MAPK8IP3: variants seen among roughly 807,000 people sequenced by gnomAD.
The protein encoded by MAPK8IP3 is C-Jun-amino-terminal kinase-interacting protein 3.
Under a neutral mutation model 157.8 loss-of-function variants are expected in MAPK8IP3, and 49 were observed. The observed-to-expected ratio is 0.31, with a 90% CI of 0.25 to 0.39. The LOEUF is 0.39. Ranked by LOEUF, MAPK8IP3 falls within the 10% of genes least tolerant of loss-of-function variation. The probability of loss-of-function intolerance (pLI) is 1.00; values close to 1 mark genes in which losing one functional copy is unlikely to be tolerated. For synonymous variants in MAPK8IP3, 897 were observed against 777.7 expected (o/e 1.15, Z -2.55); for missense variants, 1,478 against 1,889.4 (o/e 0.78, Z 4.04).
At chr16:1,748,446 C>T in intron 7 of MAPK8IP3, 100 bp downstream of exon 7, 1 of 1,215,118 alleles carries the variant, frequency 8.2e-7, no homozygotes, top group Non-Finnish European at 1.2e-6. Context: ...GGAGAACCAT[C>T]AAGGCTGTGG....
rs184394136 is a variant in MAPK8IP3, at chr16:1,743,744, G to T, written c.747+268G>T. The T allele has an allele frequency of 7.4e-7, 1 of 1,350,872 alleles. No homozygotes were observed. The highest frequency in any genetic ancestry group is 1.5e-5 in the African/African-American group (1 of 65,718). The allele number at this position is 1,350,872 out of a possible 1,614,324, so 83.7% of individuals were successfully genotyped here. A position where few individuals can be genotyped will look rare whatever the true frequency, so the allele number is the denominator to read the frequency against. ...AGACCTCCCTGCCCTTGGATAGACC[G>T]CTCTGTAGCCAGGGGTGTACAGTGC... On this transcript the variant is annotated intron_variant, in intron 5 of 31. Transcript: ENST00000610761. This position sits in a 1 kb window ranked among gnomAD's most constrained non-coding sequence, Gnocchi z 5.6.
intron 4 of MAPK8IP3, among the ~76,000 whole-genome samples, chr16:1,730,921 C>G (rs542144275): frequency 6.6e-6 from 1 of 151,340 alleles, no homozygotes; most frequent in South Asian, 2.1e-4. Context: ...CGGCAGATCA[C>G]TTGAGGTCAG....
At chr16:1,707,013 C>A (rs934471580) in intron 1 of MAPK8IP3, among the ~76,000 whole-genome samples, 1 of 151,456 alleles carries the variant, frequency 6.6e-6, no homozygotes, top group African/African-American at 2.4e-5. Context: ...CTGGCGTCAT[C>A]CCCGGGGAGC....
Position 1,710,091 on chromosome 16 carries a change from C to T in MAPK8IP3, c.318+3434C>T, listed in dbSNP as rs1349392761. ...AAAAGTTACCGGCCAGGCGCAGCGA[C>T]TCTCACATGTGTAATCCCAGCACTT... is the stretch of plus-strand genomic sequence containing the variant. On this transcript the variant is annotated intron_variant, in intron 1 of 31. Coordinates refer to ENST00000610761, the MANE Select transcript of MAPK8IP3 (RefSeq NM_001318852.2). This position sits in a 1 kb window ranked among gnomAD's most constrained non-coding sequence, Gnocchi z 4.1. 6.6e-6 allele frequency among the ~76,000 whole-genome samples: 1 copy of T among 152,176 alleles called. No homozygotes were observed. Among genetic ancestry groups the T allele is most frequent in the African/African-American group, 2.4e-5 (1 of 41,444 alleles).
At chr16:1,764,921 A>T (rs2042170064) in intron 19 of MAPK8IP3, 92 bp from the exon 20 acceptor site, 3 of 1,318,294 alleles carry the variant, frequency 2.3e-6, no homozygotes, top group Non-Finnish European at 3.2e-6. Context: ...TCAAGGCTGG[A>T]TCCTGACAGA....
rs756372035 is a variant in MAPK8IP3 at position 1,735,522 on chromosome 16, CGT to C, written c.602+5948_602+5949del. Among the ~76,000 whole-genome samples the C allele has an allele frequency of 8.9e-4, 108 of 121,062 alleles. No individual in the cohort carries two copies. The Middle Eastern group carries it at 0.023, about 25-fold the overall frequency. The allele number at this position is 121,062 out of a possible 152,430, so 79.4% of individuals were successfully genotyped here. On this transcript the variant is annotated intron_variant, in intron 4 of 31. Transcript: ENST00000610761. ...CCGTGTGACCATCCGTGTGAGCAGC[CGT>C]GTGACCGTCCGTGTGAGCGTCCGTG...
In MAPK8IP3 at chr16:1,737,177, CGT is replaced by C. The variant is rs1295509416; in HGVS notation, c.603-6151_603-6150del. Among the ~76,000 whole-genome samples the C allele has an allele frequency of 1.5e-4, 11 of 71,696 alleles. 1 individual carries two copies. The highest frequency in any genetic ancestry group is 1.1e-3 in the East Asian group (2 of 1,844). 47.0% of individuals were successfully genotyped at this position (71,696 alleles called of 152,430 possible). A position where few individuals can be genotyped will look rare whatever the true frequency, so the allele number is the denominator to read the frequency against. On this transcript the variant is annotated intron_variant, in intron 4 of 31. Coordinates refer to ENST00000610761, the MANE Select transcript of MAPK8IP3 (RefSeq NM_001318852.2). ...CCGTCCGTGTGAGCATCCGTGTGAGCGTGTGACCGTCCGTGTGAGCGTGTGAC... is the reference window on the plus strand; with the variant it reads ...CCGTCCGTGTGAGCATCCGTGTGAGCGTGACCGTCCGTGTGAGCGTGTGAC...
chr16:1,740,254 G>A (rs561798213), intron 4 of MAPK8IP3, among the ~76,000 whole-genome samples: 12 of 144,228 alleles, frequency 8.3e-5, no homozygotes, highest in Admixed American at 2.8e-4. Context: ...GTGACCGTTC[G>A]TGTGAGTGTG....
At position 1,760,646 on chromosome 16, in the gene MAPK8IP3, C is replaced by T. The variant is rs1020572226; in HGVS notation, c.1457+114C>T. On this transcript the variant is annotated intron_variant, in intron 12 of 31. Coordinates refer to ENST00000610761, the MANE Select transcript of MAPK8IP3 (RefSeq NM_001318852.2). ...CCTGAGCGGCTCTGTGCATAGCCTA[C>T]CTACCTCCAGCTCCAGCTCACAGCC... 6.9e-6 allele frequency: 9 copies of T among 1,311,648 alleles called. 1 individual carries two copies. The highest frequency in any genetic ancestry group is 9.2e-6 in the Non-Finnish European group (9 of 978,058). The allele number at this position is 1,311,648 out of a possible 1,614,324, so 81.3% of individuals were successfully genotyped here. A position where few individuals can be genotyped will look rare whatever the true frequency, so the allele number is the denominator to read the frequency against.
intron 2 of MAPK8IP3, among the ~76,000 whole-genome samples, chr16:1,727,166 TGTGA>T (rs1479379873): frequency 2.0e-5 from 3 of 151,662 alleles, no homozygotes; most frequent in Non-Finnish European, 2.9e-5. Context: ...GTGGAGGGTC[TGTGA>T]GTGTCGTGTG....
At chr16:1,714,843 GT>G (rs1305203359) in intron 1 of MAPK8IP3, among the ~76,000 whole-genome samples, 3 of 152,124 alleles carry the variant, frequency 2.0e-5, no homozygotes, top group Non-Finnish European at 4.4e-5. Context: ...GGAGTCGGAG[GT>G]TGGGGCTGAT....
intron 4 of MAPK8IP3, among the ~76,000 whole-genome samples, chr16:1,732,054 C>T (rs1423390923): frequency 6.6e-6 from 1 of 152,168 alleles, no homozygotes; most frequent in Non-Finnish European, 1.5e-5. Context: ...AGCCGGGCTG[C>T]AGGCCCCAGG....
At chr16:1,717,235 CAAA>C (rs1169533483) in intron 1 of MAPK8IP3, among the ~76,000 whole-genome samples, 23 of 60,442 alleles carry the variant, frequency 3.8e-4, no homozygotes, top group Admixed American at 1.6e-3. Context: ...AACTCCATCT[CAAA>C]AAAAAAAAAA....
chr16:1,768,574 G>A lies in MAPK8IP3; in HGVS notation c.3840G>A (p.Leu1280=). Residue 1280 remains leucine (L), a synonymous_variant, in exon 31 of 32, where the codon CTG becomes CTA. Coordinates refer to ENST00000610761, the MANE Select transcript of MAPK8IP3 (RefSeq NM_001318852.2). The part of the protein sequence containing the change: ...APASEVEGQK[L]RNVLVLSGGE... ...CCTCGGAGGTCGAGGGCCAGAAGCT[G>A]CGGAACGTGCTGGTGCTGAGCGGCG... 3 of 1,586,636 alleles carry A rather than the reference G, an allele frequency of 1.9e-6. 1 individual carries two copies. The South Asian group carries it at 3.4e-5, about 18-fold the overall frequency.
At chr16:1,730,255 G>C (rs1185259029) in intron 4 of MAPK8IP3, among the ~76,000 whole-genome samples, 1 of 151,614 alleles carries the variant, frequency 6.6e-6, no homozygotes, top group Admixed American at 6.6e-5. Flanking sequence ...AGTGAGCCCC[G>C]TCTCTAAAAA....
rs2141851420 is a variant in MAPK8IP3, at chr16:1,744,498, C to G, written c.747+1022C>G. 1.0e-5 allele frequency: 10 copies of G among 985,644 alleles called. No homozygotes were observed. The South Asian group carries it at 4.7e-4, about 46-fold the overall frequency. 61.1% of individuals were successfully genotyped at this position (985,644 alleles called of 1,614,324 possible). On this transcript the variant is annotated intron_variant, in intron 5 of 31. Coordinates refer to ENST00000610761, the MANE Select transcript of MAPK8IP3 (RefSeq NM_001318852.2). The stretch of plus-strand genomic sequence containing the variant: ...CATGGCATCTGGAACGCTCTCCTGT[C>G]CTCCCTGTGCTCAGGGCTGGAGAGA...
At chr16:1,752,517 A>G (rs747254) in intron 8 of MAPK8IP3, 32,902 of 359,566 alleles carry the variant, frequency 0.092, 1,639 homozygotes, top group Middle Eastern at 0.11. Flanking sequence ...CCAGGGCAGG[A>G]GGATCACCTG....
rs2042340736 is a variant in MAPK8IP3 at position 1,767,475 on chromosome 16, G to C, written c.3238-89G>C. ...GCTGGCTGGGAGGTCTGAGGGGACT[G>C]CAGGTGGCCCTGGAGCTGTGGCAGG... On this transcript the variant is annotated intron_variant, in intron 26 of 31. Transcript: ENST00000610761. 3.9e-6 allele frequency: 6 copies of C among 1,526,794 alleles called. No individual in the cohort carries two copies. In the African/African-American group the frequency reaches 6.8e-5, roughly 17 times the overall value. 94.6% of individuals were successfully genotyped at this position (1,526,794 alleles called of 1,614,324 possible). A position where few individuals can be genotyped will look rare whatever the true frequency, so the allele number is the denominator to read the frequency against.
rs2037711710 is a variant in MAPK8IP3, at chr16:1,710,624, C to T, written c.318+3967C>T. On this transcript the variant is annotated intron_variant, in intron 1 of 31. Coordinates refer to ENST00000610761, the MANE Select transcript of MAPK8IP3 (RefSeq NM_001318852.2). This position sits in a 1 kb window ranked among gnomAD's most constrained non-coding sequence, Gnocchi z 4.1. ...TTTCCTTCTTTTTTTCTCCTCTGCG[C>T]CAGACGATCTGCAGGAAGTCTTTTC... Among the ~76,000 whole-genome samples, 1 of 152,176 alleles carries T rather than the reference C, an allele frequency of 6.6e-6. No individual in the cohort carries two copies. Among genetic ancestry groups the T allele is most frequent in the African/African-American group, 2.4e-5 (1 of 41,450 alleles).
Sources: allele counts gnomAD v4.1 joint callset (sites outside exome capture counted in the v4.1 genomes callset), GRCh38; gene constraint gnomAD v4.1.1; non-coding constraint Gnocchi (gnomAD v3.1); transcripts MANE v1.5; gene names NCBI Gene and HGNC (gene_info 2026-07-23, HGNC 2026-07-21).